The following IGSF21 variants were observed in gnomAD, a reference collection of about 807,000 sequenced individuals.
IGSF21 encodes immunoglobin superfamily member 21.
IGSF21 carries 28 observed loss-of-function variants against 46.8 expected under a neutral mutation model. The ratio of observed to expected loss-of-function variants is 0.60; its 90% CI spans 0.44 to 0.82. IGSF21 has a LOEUF of 0.82. Among genes scored for constraint, IGSF21 ranks in the 40% least tolerant of loss-of-function variants. The pLI, the probability that IGSF21 is intolerant of heterozygous loss-of-function variation, is 0.00. For synonymous variants in IGSF21, 284 were observed against 273.6 expected (o/e 1.04, Z -0.38); for missense variants, 624 against 665.5 (o/e 0.94, Z 0.69).
chr1:18,343,983 G>C (rs771511885), intron 4 of IGSF21, among the ~76,000 whole-genome samples: 32 of 152,192 alleles, frequency 2.1e-4, no homozygotes, highest in Admixed American at 6.5e-4. Context: ...CAGAGGAAAA[G>C]AGGGTACAGA....
intron 1 of IGSF21, among the ~76,000 whole-genome samples, chr1:18,133,374 T>G (rs181483198): frequency 1.1e-4 from 17 of 152,296 alleles, no homozygotes; most frequent in Non-Finnish European, 2.1e-4. Flanking sequence ...GTTTGCAGAG[T>G]GGCTGGGTCT....
chr1:18,126,871 G>C (rs2086278599), intron 1 of IGSF21, among the ~76,000 whole-genome samples: 1 of 152,046 alleles, frequency 6.6e-6, no homozygotes, highest in Non-Finnish European at 1.5e-5. Flanking sequence ...GGAACAGCCA[G>C]GGTGTCAGGT....
In IGSF21 at chr1:18,335,101, G is replaced by A. The variant is rs943227535; in HGVS notation, c.424+91G>A. On this transcript the variant is annotated intron_variant, in intron 4 of 9. Transcript: ENST00000251296. The surrounding 1 kb of genome is among the most constrained non-coding windows in gnomAD (Gnocchi z 4.8). ...TGTGCGCACAGAGTGGCCATCCTGG[G>A]GGCCATCCACCAGAAGTTCTGTTGT... 1 of 978,714 alleles carries A rather than the reference G, an allele frequency of 1.0e-6. No individual in the cohort carries two copies. The highest frequency in any genetic ancestry group is 1.6e-5 in the African/African-American group (1 of 62,730). 60.6% of individuals were successfully genotyped at this position (978,714 alleles called of 1,614,324 possible). A position where few individuals can be genotyped will look rare whatever the true frequency, so the allele number is the denominator to read the frequency against.
intron 2 of IGSF21, among the ~76,000 whole-genome samples, chr1:18,278,526 GT>G (rs200294798): frequency 7.5e-6 from 1 of 132,818 alleles, no homozygotes; most frequent in South Asian, 2.5e-4. Flanking sequence ...CAGGTGTAAG[GT>G]TTTTTTTGTT....
intron 1 of IGSF21, among the ~76,000 whole-genome samples, chr1:18,143,291 C>A (rs577434100): frequency 6.6e-6 from 1 of 152,318 alleles, no homozygotes; most frequent in East Asian, 1.9e-4. Flanking sequence ...CCCCCACCCC[C>A]TCGGCTGTCC....
At position 18,252,163 on chromosome 1, in the gene IGSF21, G is replaced by A. The variant is rs191928877; in HGVS notation, c.183+24153G>A. 8.7e-3 allele frequency among the ~76,000 whole-genome samples: 1,242 copies of A among 143,310 alleles called. 9 individuals carry two copies. The highest frequency in any genetic ancestry group is 0.013 in the Non-Finnish European group (862 of 67,016). 94.0% of individuals were successfully genotyped at this position (143,310 alleles called of 152,430 possible). On this transcript the variant is annotated intron_variant, in intron 2 of 9. Coordinates refer to ENST00000251296, the MANE Select transcript of IGSF21 (RefSeq NM_032880.5). ...CCTCCTGGGTCCATGCCATTCTCCT[G>A]CCTCAGCCTCCCAAGTAGCTGGGAC...
At chr1:18,114,156 C>T (rs2086166284) in intron 1 of IGSF21, 2 of 152,182 alleles carry the variant, frequency 1.3e-5, no homozygotes, top group Admixed American at 1.3e-4. Flanking sequence ...ACCAATCCCA[C>T]CGCCTGCCCT....
Position 18,160,558 on chromosome 1 carries a change from AAGTCATAATTTCTTTTCTGGT to A in IGSF21, c.70+52362_70+52382del, listed in dbSNP as rs1367658222. 2.4e-5 allele frequency among the ~76,000 whole-genome samples: 3 copies of A among 122,732 alleles called. No individual in the cohort carries two copies. The East Asian group carries it at 7.2e-4, about 29-fold the overall frequency. 80.5% of individuals were successfully genotyped at this position (122,732 alleles called of 152,430 possible). ...GGCGAACTTGTGTGTTTTCTGGTTT[AAGTCATAATTTCTTTTCTGGT>A]AACATGAGGATCGTACAGTACTTCC... On this transcript the variant is annotated intron_variant, in intron 1 of 9. Coordinates refer to ENST00000251296, the MANE Select transcript of IGSF21 (RefSeq NM_032880.5).
intron 1 of IGSF21, among the ~76,000 whole-genome samples, chr1:18,134,883 G>A (rs1325976651): frequency 6.6e-6 from 1 of 152,246 alleles, no homozygotes; most frequent in Non-Finnish European, 1.5e-5. Flanking sequence ...CCACAGCCAT[G>A]CCTGGGAGAT....
At chr1:18,359,471 GGAAGGAA>G (rs2086075748) in intron 4 of IGSF21, among the ~76,000 whole-genome samples, 1 of 27,316 alleles carries the variant, frequency 3.7e-5, no homozygotes, top group African/African-American at 1.1e-4. Flanking sequence ...AGGGAAGGAA[GGAAGGAA>G]GGAAGGAAGG....
At chr1:18,254,809 G>A (rs1334116415) in intron 2 of IGSF21, among the ~76,000 whole-genome samples, 1 of 152,160 alleles carries the variant, frequency 6.6e-6, no homozygotes, top group Non-Finnish European at 1.5e-5. Context: ...GCCTATAAGA[G>A]CATGGTGATT....
chr1:18,205,385 C>T (rs1193446724), intron 1 of IGSF21, among the ~76,000 whole-genome samples: 1 of 152,046 alleles, frequency 6.6e-6, no homozygotes, highest in African/African-American at 2.4e-5. Flanking sequence ...TCTTCCAGAG[C>T]CAGGTAGGAG....
At chr1:18,272,684 T>A (rs1045714334) in intron 2 of IGSF21, among the ~76,000 whole-genome samples, 2 of 152,188 alleles carry the variant, frequency 1.3e-5, no homozygotes, top group Non-Finnish European at 2.9e-5. Flanking sequence ...GTTGAGTGTG[T>A]CCCCTCGGCT....
intron 1 of IGSF21, among the ~76,000 whole-genome samples, chr1:18,121,993 T>C (rs1375098266): frequency 6.6e-6 from 1 of 152,178 alleles, no homozygotes; most frequent in Non-Finnish European, 1.5e-5. Flanking sequence ...GTCACCAGGA[T>C]GGCTTTGGTC....
intron 3 of IGSF21, among the ~76,000 whole-genome samples, chr1:18,314,992 T>C (rs1209899881): frequency 2.6e-5 from 4 of 151,948 alleles, no homozygotes; most frequent in South Asian, 2.1e-4. Flanking sequence ...GAGATCATGA[T>C]TGGTGCATGA....
intron 6 of IGSF21, among the ~76,000 whole-genome samples, chr1:18,367,486 CT>C (rs1396920657): frequency 1.3e-5 from 2 of 152,056 alleles, no homozygotes; most frequent in Non-Finnish European, 2.9e-5. Context: ...GCCTTCTTCA[CT>C]CACTACCATG....
At chr1:18,374,422 A>G (rs1047928114) in intron 6 of IGSF21, among the ~76,000 whole-genome samples, 5 of 152,182 alleles carry the variant, frequency 3.3e-5, no homozygotes, top group African/African-American at 1.2e-4. Context: ...GGCAAGGGGT[A>G]TCATTGTTCC....
At chr1:18,151,956 G>A (rs1384734880) in intron 1 of IGSF21, among the ~76,000 whole-genome samples, 2 of 152,082 alleles carry the variant, frequency 1.3e-5, no homozygotes, top group Non-Finnish European at 2.9e-5. Flanking sequence ...GGGATTTGGG[G>A]CACGTGGTCA....
intron 4 of IGSF21, among the ~76,000 whole-genome samples, chr1:18,343,870 C>T (rs1381820601): frequency 6.6e-6 from 1 of 152,192 alleles, no homozygotes; most frequent in Non-Finnish European, 1.5e-5. Context: ...TGTTACTCTC[C>T]AGCTATGTGA....
Sources: allele counts gnomAD v4.1 joint callset (sites outside exome capture counted in the v4.1 genomes callset), GRCh38; gene constraint gnomAD v4.1.1; non-coding constraint Gnocchi (gnomAD v3.1); transcripts MANE v1.5; gene names NCBI Gene and HGNC (gene_info 2026-07-23, HGNC 2026-07-21).